The following SPIDR variants were observed in gnomAD, a reference collection of about 807,000 sequenced individuals.
The protein encoded by SPIDR is DNA repair-scaffolding protein.
SPIDR carries 93 observed loss-of-function variants against 104.6 expected under a neutral mutation model. That is an observed-to-expected ratio of 0.89 (90% confidence interval 0.75 to 1.06). The LOEUF (loss-of-function observed/expected upper bound fraction) is 1.06, where lower values mean the gene tolerates loss of function less well. SPIDR is among the 50% of genes least tolerant of loss of function. SPIDR has a pLI of 0.00. For missense variants in SPIDR, 1,154 were observed against 1,111.2 expected (o/e 1.04, Z -0.55); for synonymous variants, 431 against 416.9 (o/e 1.03, Z -0.41).
rs1466013166 is a variant in SPIDR, at chr8:47,626,749, G to A, written c.1544+27553G>A. On this transcript the variant is annotated intron_variant, in intron 10 of 19. Transcript: ENST00000297423. Reference sequence around the variant, plus strand: ...AAAGTCAGGAAACAACAGGTGCTGGGGAGGATGTGGAGAAATAGGAACACT... The same window carrying A: ...AAAGTCAGGAAACAACAGGTGCTGGAGAGGATGTGGAGAAATAGGAACACT... Among the ~76,000 whole-genome samples the A allele has an allele frequency of 1.8e-4, 27 of 152,200 alleles. 1 individual carries two copies. Among genetic ancestry groups the A allele is most frequent in the Admixed American group, 7.8e-4 (12 of 15,294 alleles).
intron 10 of SPIDR, among the ~76,000 whole-genome samples, chr8:47,603,934 C>T (rs2062627451): frequency 6.6e-6 from 1 of 152,008 alleles, no homozygotes; most frequent in African/African-American, 2.4e-5. Flanking sequence ...TTGCTTTATT[C>T]TCATGTTGTA....
intron 10 of SPIDR, chr8:47,673,508 TG>T (rs2076046283): frequency 1.6e-5 from 8 of 507,568 alleles, no homozygotes; most frequent in South Asian, 9.2e-5. Context: ...CAGCCATATT[TG>T]GCTTAGGTTT....
At chr8:47,543,622 T>TA (rs1564282500) in intron 8 of SPIDR, among the ~76,000 whole-genome samples, 1 of 152,146 alleles carries the variant, frequency 6.6e-6, no homozygotes, top group African/African-American at 2.4e-5. Context: ...CATGAAGATT[T>TA]ATGAAAAAAG....
chr8:47,520,887 A>G (rs557297159), intron 8 of SPIDR, among the ~76,000 whole-genome samples: 35 of 152,334 alleles, frequency 2.3e-4, no homozygotes, highest in African/African-American at 8.4e-4. Flanking sequence ...ATGAGGCTCA[A>G]AGACTTTTCC....
intron 17 of SPIDR, 55 bp from the exon 18 acceptor site, chr8:47,728,878 T>A (rs1589598361): frequency 1.3e-6 from 2 of 1,553,692 alleles, no homozygotes; most frequent in East Asian, 4.5e-5. Flanking sequence ...CCACTGGAGC[T>A]TTCCTGACTT....
At chr8:47,498,167 T>C (rs1214189140) in intron 8 of SPIDR, among the ~76,000 whole-genome samples, 1 of 152,202 alleles carries the variant, frequency 6.6e-6, no homozygotes, top group Non-Finnish European at 1.5e-5. Flanking sequence ...GGAGGACAGA[T>C]GATGCCTCTC....
chr8:47,361,997 C>T (rs1260986137), intron 5 of SPIDR, among the ~76,000 whole-genome samples: 2 of 152,220 alleles, frequency 1.3e-5, no homozygotes, highest in African/African-American at 2.4e-5. Context: ...CCTTGATAGT[C>T]AGAGGTAGAC....
chr8:47,567,797 T>TTTTTTTTTTTTTTTTC (rs2058071928), intron 8 of SPIDR, among the ~76,000 whole-genome samples: 1 of 141,680 alleles, frequency 7.1e-6, no homozygotes, highest in Non-Finnish European at 1.5e-5. Context: ...TTTTTTTTTT[T>TTTTTTTTTTTTTTTTC]TTTTTTGAGA....
intron 5 of SPIDR, among the ~76,000 whole-genome samples, chr8:47,296,032 G>T (rs1417641701): frequency 1.3e-5 from 2 of 152,148 alleles, no homozygotes; most frequent in Non-Finnish European, 2.9e-5. Context: ...TCCCTGGTGA[G>T]TGGTGATGAT....
At chr8:47,378,383 T>C (rs1287132947) in intron 5 of SPIDR, among the ~76,000 whole-genome samples, 11 of 152,230 alleles carry the variant, frequency 7.2e-5, no homozygotes, top group Non-Finnish European at 8.8e-5. Context: ...AAATCACACT[T>C]GTTGAATGTC....
Position 47,733,257 on chromosome 8 carries a change from C to T in SPIDR, c.2605-2050C>T, listed in dbSNP as rs571705849. The stretch of plus-strand genomic sequence containing the variant: ...AAAAAATTAGCCAGGCATGGTGGTG[C>T]GCACCTGTAATCCCAGCTACTTGGA... On this transcript the variant is annotated intron_variant, in intron 19 of 19. Coordinates refer to ENST00000297423, the MANE Select transcript of SPIDR (RefSeq NM_001080394.4). Among the ~76,000 whole-genome samples the T allele has an allele frequency of 3.9e-5, 6 of 152,158 alleles. No individual in the cohort carries two copies. In the East Asian group the frequency reaches 9.7e-4, roughly 25 times the overall value.
rs190959879 is a variant in SPIDR, at chr8:47,426,191, T to G, written c.878-14132T>G. 1.6e-3 allele frequency among the ~76,000 whole-genome samples: 246 copies of G among 152,134 alleles called. 1 individual carries two copies. The highest frequency in any genetic ancestry group is 5.7e-3 in the African/African-American group (238 of 41,512). On this transcript the variant is annotated intron_variant, in intron 7 of 19. Transcript: ENST00000297423. The stretch of plus-strand genomic sequence containing the variant: ...GTCACTTAAACCCGGGAGGCGGAGT[T>G]TGCAGTGAGCTGAGATCATGCCATT...
At position 47,484,117 on chromosome 8, in the gene SPIDR, G is replaced by A. The variant is rs540745698; in HGVS notation, c.1097+43575G>A. ...GGTTGTAGGAGTATTCTCCACAAGC[G>A]AAGATAGACCAAGTGCTTGACACGT... On this transcript the variant is annotated intron_variant, in intron 8 of 19. Coordinates refer to ENST00000297423, the MANE Select transcript of SPIDR (RefSeq NM_001080394.4). 7.9e-5 allele frequency among the ~76,000 whole-genome samples: 12 copies of A among 152,280 alleles called. No homozygotes were observed. In the South Asian group the frequency reaches 1.5e-3, roughly 18 times the overall value.
At chr8:47,538,857 C>CTTT (rs1161571829) in intron 8 of SPIDR, among the ~76,000 whole-genome samples, 52 of 100,838 alleles carry the variant, frequency 5.2e-4, no homozygotes, top group Non-Finnish European at 7.1e-4. Flanking sequence ...TTTTTCTTTT[C>CTTT]TTTTTTTTTT....
intron 5 of SPIDR, among the ~76,000 whole-genome samples, chr8:47,365,238 C>G (rs28468411): frequency 6.6e-6 from 1 of 152,212 alleles, no homozygotes; most frequent in African/African-American, 2.4e-5. Context: ...TCCACATTCA[C>G]GTGGTCCAAG....
At chr8:47,451,581 AACACACACACAC>A (rs56269650) in intron 8 of SPIDR, among the ~76,000 whole-genome samples, 12 of 148,038 alleles carry the variant, frequency 8.1e-5, no homozygotes, top group South Asian at 2.1e-4. Context: ...ACCCTGCCAA[AACACACACACAC>A]ACACACACAC....
At chr8:47,731,687 A>G (rs567637959) in intron 19 of SPIDR, among the ~76,000 whole-genome samples, 5 of 152,348 alleles carry the variant, frequency 3.3e-5, no homozygotes, top group Admixed American at 3.3e-4. Flanking sequence ...GTTTAAGTGT[A>G]TAACAGGCAA....
intron 8 of SPIDR, among the ~76,000 whole-genome samples, chr8:47,514,720 A>T (rs2082855631): frequency 6.6e-6 from 1 of 152,168 alleles, no homozygotes; most frequent in South Asian, 2.1e-4. Context: ...AAATATAAGT[A>T]TTTAGGTGAC....
At chr8:47,341,009 T>C (rs2050646476) in intron 5 of SPIDR, among the ~76,000 whole-genome samples, 1 of 152,216 alleles carries the variant, frequency 6.6e-6, no homozygotes, top group African/African-American at 2.4e-5. Context: ...TAGTGAATTA[T>C]TAAACCTGAA....
Sources: allele counts gnomAD v4.1 joint callset (sites outside exome capture counted in the v4.1 genomes callset), GRCh38; gene constraint gnomAD v4.1.1; transcripts MANE v1.5; gene names NCBI Gene and HGNC (gene_info 2026-07-23, HGNC 2026-07-21).